Variants in TXN2 observed in about 807,000 individuals in gnomAD.
The protein encoded by TXN2 is thioredoxin 2.
Under a neutral mutation model 14.6 loss-of-function variants are expected in TXN2, and 12 were observed. The ratio of observed to expected loss-of-function variants is 0.82; its 90% CI spans 0.53 to 1.33. The LOEUF is 1.33. Ranked by LOEUF, TXN2 falls within the 40% of genes most tolerant of loss-of-function variation. The pLI is 0.00. For synonymous variants in TXN2, 89 were observed against 81.0 expected (o/e 1.10, Z -0.53); for missense variants, 173 against 207.7 (o/e 0.83, Z 1.03).
At chr22:36,478,925 C>G (rs2145827292) in intron 2 of TXN2, among the ~76,000 whole-genome samples, 1 of 152,004 alleles carries the variant, frequency 6.6e-6, no homozygotes, top group East Asian at 1.9e-4. Context: ...GCAGTCCAGC[C>G]TGGGTGACAG....
At chr22:36,473,398 G>A (rs1246399063) in intron 3 of TXN2, among the ~76,000 whole-genome samples, 2 of 152,152 alleles carry the variant, frequency 1.3e-5, no homozygotes, top group East Asian at 1.9e-4. Context: ...AACCGAGATC[G>A]TGCCATTGCA....
intron 1 of TXN2, chr22:36,481,070 G>C: frequency 2.2e-6 from 1 of 451,804 alleles, no homozygotes; most frequent in East Asian, 3.5e-5. Flanking sequence ...AAAAGAAATC[G>C]GGATTTAGAT....
chr22:36,476,618 A>C, intron 3 of TXN2, 115 bp downstream of exon 3: 2 of 1,452,962 alleles, frequency 1.4e-6, no homozygotes, highest in Non-Finnish European at 1.8e-6. Context: ...GGAAAAACCA[A>C]GACACCTTGC....
chr22:36,479,038 G>A (rs766673349), intron 2 of TXN2, among the ~76,000 whole-genome samples: 6 of 152,020 alleles, frequency 3.9e-5, no homozygotes, highest in Non-Finnish European at 8.8e-5. Flanking sequence ...AAGGTGGGAG[G>A]ATTGCTTGAG....
At chr22:36,476,930 G>T (rs963050811) in intron 2 of TXN2, 74 bp from the exon 3 acceptor site, 8 of 1,584,962 alleles carry the variant, frequency 5.0e-6, no homozygotes, top group Non-Finnish European at 6.0e-6. Flanking sequence ...TCCCAGACCT[G>T]CATCTTTCCA....
At chr22:36,473,869 C>A (rs1041760067) in intron 3 of TXN2, among the ~76,000 whole-genome samples, 2 of 152,230 alleles carry the variant, frequency 1.3e-5, no homozygotes, top group Non-Finnish European at 2.9e-5. Context: ...TCGGCATTCC[C>A]GCCACCCCAC....
At chr22:36,470,138 C>A (rs977648546) in intron 3 of TXN2, among the ~76,000 whole-genome samples, 2 of 152,214 alleles carry the variant, frequency 1.3e-5, no homozygotes, top group African/African-American at 4.8e-5. Flanking sequence ...GTTCAAAAAC[C>A]ATGCACATGG....
In TXN2 at chr22:36,480,565, C is replaced by T. The variant is rs1933478054; in HGVS notation, c.263+10G>A. The T allele has an allele frequency of 6.2e-7, 1 of 1,611,626 alleles. No homozygotes were observed. Among genetic ancestry groups the T allele is most frequent in the African/African-American group, 1.3e-5 (1 of 74,912 alleles). ...AGGACCCTAGTCTTCTGTGGACCCCCAATACTCACTGTGCGTGGAAATCCA... is the reference window on the plus strand; with the variant it reads ...AGGACCCTAGTCTTCTGTGGACCCCTAATACTCACTGTGCGTGGAAATCCA... On this transcript the variant is annotated intron_variant, in intron 2 of 3. Transcript: ENST00000216185.
intron 3 of TXN2, among the ~76,000 whole-genome samples, chr22:36,470,146 T>C (rs1264672826): frequency 6.6e-6 from 1 of 152,130 alleles, no homozygotes; most frequent in East Asian, 1.9e-4. Context: ...ACCATGCACA[T>C]GGTAGTTAGG....
chr22:36,473,233 A>T (rs1038981752), intron 3 of TXN2, among the ~76,000 whole-genome samples: 1 of 152,208 alleles, frequency 6.6e-6, no homozygotes, highest in African/African-American at 2.4e-5. Context: ...ACCTGATGTC[A>T]GGAGTTTGAG....
chr22:36,477,466 C>A (rs958075141), intron 2 of TXN2, among the ~76,000 whole-genome samples: 2 of 152,204 alleles, frequency 1.3e-5, no homozygotes, highest in Non-Finnish European at 2.9e-5. Context: ...TCTCGGCCTC[C>A]CAAAGTGCTG....
intron 2 of TXN2, among the ~76,000 whole-genome samples, chr22:36,479,398 C>A (rs898752692): frequency 6.7e-6 from 1 of 149,980 alleles, no homozygotes; most frequent in African/African-American, 2.5e-5. Flanking sequence ...ATGGCGCGAT[C>A]TCAGCTCACT....
chr22:36,473,481 C>G (rs1933324080), intron 3 of TXN2, among the ~76,000 whole-genome samples: 1 of 152,052 alleles, frequency 6.6e-6, no homozygotes, highest in South Asian at 2.1e-4. Context: ...AGAAAGCCAT[C>G]ATGGGGGGCA....
chr22:36,478,629 G>A (rs1933436550), intron 2 of TXN2, among the ~76,000 whole-genome samples: 1 of 152,194 alleles, frequency 6.6e-6, no homozygotes. Flanking sequence ...AGCAGGTGTG[G>A]TGGTGCACAC....
intron 3 of TXN2, among the ~76,000 whole-genome samples, chr22:36,472,540 G>C (rs889557740): frequency 6.6e-5 from 10 of 152,052 alleles, no homozygotes; most frequent in Non-Finnish European, 1.3e-4. Context: ...GGAGGACAGG[G>C]GACTTATGGG....
At chr22:36,474,861 CCT>C (rs1883560081) in intron 3 of TXN2, among the ~76,000 whole-genome samples, 1 of 152,216 alleles carries the variant, frequency 6.6e-6, no homozygotes. Context: ...GGGCCTCTCC[CCT>C]TTCTCCAGGT....
At chr22:36,468,207 A>G (rs550248645) in intron 3 of TXN2, among the ~76,000 whole-genome samples, 2 of 152,266 alleles carry the variant, frequency 1.3e-5, no homozygotes, top group East Asian at 3.9e-4. Flanking sequence ...GACAGGAGAG[A>G]TGAAAATAAC....
intron 3 of TXN2, among the ~76,000 whole-genome samples, chr22:36,472,167 C>T (rs1933292997): frequency 6.6e-6 from 1 of 152,086 alleles, no homozygotes; most frequent in African/African-American, 2.4e-5. Flanking sequence ...TTTGTAAAAG[C>T]TTTTAGATAT....
intron 3 of TXN2, among the ~76,000 whole-genome samples, chr22:36,473,288 C>A (rs1214629203): frequency 6.6e-6 from 1 of 152,084 alleles, no homozygotes; most frequent in Non-Finnish European, 1.5e-5. Flanking sequence ...ATTAAAACTA[C>A]AAAAATTAGC....
Sources: gnomAD v4.1 joint callset for allele counts (sites outside exome capture counted in the v4.1 genomes callset) on GRCh38, gnomAD v4.1.1 for gene constraint, MANE v1.5 for transcripts, NCBI Gene and HGNC (gene_info 2026-07-23, HGNC 2026-07-21) for gene names.